The following CMIP variants were observed in gnomAD, a reference collection of about 807,000 sequenced individuals.
The protein encoded by CMIP is C-Maf-inducing protein.
Under a neutral mutation model 97.3 loss-of-function variants are expected in CMIP, and 13 were observed. That is an observed-to-expected ratio of 0.13 (90% CI 0.09 to 0.21). CMIP has a LOEUF of 0.21. Among genes scored for constraint, CMIP ranks in the 10% least tolerant of loss-of-function variants. The pLI is 1.00. For synonymous variants in CMIP, 538 were observed against 436.3 expected (o/e 1.23, Z -2.91); for missense variants, 847 against 1,024.9 (o/e 0.83, Z 2.37).
chr16:81,521,264 G>A (rs941229975), intron 1 of CMIP, among the ~76,000 whole-genome samples: 7 of 152,182 alleles, frequency 4.6e-5, no homozygotes, highest in Non-Finnish European at 7.3e-5. Context: ...CTTGCTGAGC[G>A]GATGGTACTG....
chr16:81,693,631 C>T (rs1906366090), intron 13 of CMIP, 144 bp downstream of exon 13: 1 of 874,682 alleles, frequency 1.1e-6, no homozygotes, highest in Non-Finnish European at 1.7e-6. Flanking sequence ...TAAACACATC[C>T]CCGCCTGGTG....
chr16:81,534,655 CA>C (rs2090307190), intron 1 of CMIP, among the ~76,000 whole-genome samples: 1 of 148,572 alleles, frequency 6.7e-6, no homozygotes, highest in Admixed American at 6.7e-5. Flanking sequence ...AAAAAAAAAA[CA>C]AAACTATAGA....
Position 81,678,429 on chromosome 16 carries a change from G to T in CMIP, c.1189G>T (p.Val397Leu). 3.1e-6 allele frequency: 5 copies of T among 1,590,332 alleles called. No individual in the cohort carries two copies. Among genetic ancestry groups the T allele is most frequent in the South Asian group, 1.1e-5 (1 of 87,674 alleles). Reference sequence around the variant, plus strand: ...TGAGGCCCGGCTCAAGTCGGTGGTCGTGGCCTCCAGTGAGATCCACGTGGA... The same window carrying T: ...TGAGGCCCGGCTCAAGTCGGTGGTCTTGGCCTCCAGTGAGATCCACGTGGA... ...LSEARLKSVV[V>L]ASSEIHVEVE... Residue 397 changes from valine (V) to leucine (L), a missense_variant, in exon 10 of 21, where the codon GTG becomes TTG. Physicochemically the swap from Val to Leu is conservative, Grantham distance 32. This residue lies in a region of CMIP where 202 missense variants were observed against 168.7 expected (regional missense o/e 1.20). Coordinates refer to ENST00000537098, the MANE Select transcript of CMIP (RefSeq NM_198390.3).
At chr16:81,455,471 G>A (rs368210865) in intron 1 of CMIP, among the ~76,000 whole-genome samples, 1 of 152,238 alleles carries the variant, frequency 6.6e-6, no homozygotes, top group Non-Finnish European at 1.5e-5. Context: ...GGAGAGGGAG[G>A]CGCAAGCCCA....
chr16:81,646,824 A>G (rs931854106), intron 3 of CMIP, among the ~76,000 whole-genome samples: 9 of 152,178 alleles, frequency 5.9e-5, no homozygotes, highest in Non-Finnish European at 1.3e-4. Flanking sequence ...TTTTATTGCC[A>G]AATACTGTTT....
intron 1 of CMIP, among the ~76,000 whole-genome samples, chr16:81,488,928 C>A (rs545590126): frequency 1.4e-4 from 22 of 152,252 alleles, no homozygotes; most frequent in African/African-American, 4.8e-4. Context: ...AAGAGATGGC[C>A]TTTCAGACCT....
chr16:81,460,282 G>T (rs1166383689), intron 1 of CMIP, among the ~76,000 whole-genome samples: 4 of 152,114 alleles, frequency 2.6e-5, no homozygotes, highest in African/African-American at 9.7e-5. Context: ...AGGGTGAGTG[G>T]GCTATTTATT....
At chr16:81,458,880 A>G (rs1316302377) in intron 1 of CMIP, among the ~76,000 whole-genome samples, 2 of 152,184 alleles carry the variant, frequency 1.3e-5, no homozygotes, top group African/African-American at 4.8e-5. Flanking sequence ...GAGAGAATAC[A>G]TGGAAAGTAC....
intron 1 of CMIP, chr16:81,476,296 C>G: frequency 6.4e-7 from 1 of 1,553,194 alleles, no homozygotes; most frequent in Non-Finnish European, 8.9e-7. Context: ...GATGGACTTG[C>G]CACCAGTGCC....
chr16:81,479,181 C>G (rs111449004), intron 1 of CMIP, among the ~76,000 whole-genome samples: 2 of 152,154 alleles, frequency 1.3e-5, no homozygotes, highest in Non-Finnish European at 2.9e-5. Context: ...CATGCGTAGC[C>G]TCCATCCTGT....
chr16:81,613,652 TC>T (rs1246557481), intron 2 of CMIP, among the ~76,000 whole-genome samples: 1 of 152,192 alleles, frequency 6.6e-6, no homozygotes, highest in Non-Finnish European at 1.5e-5. Flanking sequence ...ACTGCCATGA[TC>T]ATTTTTAGAG....
intron 1 of CMIP, among the ~76,000 whole-genome samples, chr16:81,528,433 C>T (rs1430097828): frequency 6.6e-6 from 1 of 152,132 alleles, no homozygotes; most frequent in East Asian, 1.9e-4. Context: ...TTGGGAGTAC[C>T]TTGAAGCTGT....
chr16:81,535,729 C>A (rs1381773964), intron 1 of CMIP, among the ~76,000 whole-genome samples: 3 of 152,098 alleles, frequency 2.0e-5, no homozygotes, highest in Non-Finnish European at 4.4e-5. Context: ...TGTTCAGACA[C>A]TCGTTTACAG....
At chr16:81,656,558 C>T (rs945247716) in intron 4 of CMIP, among the ~76,000 whole-genome samples, 1 of 152,138 alleles carries the variant, frequency 6.6e-6, no homozygotes, top group African/African-American at 2.4e-5. Context: ...ATGGCACAGC[C>T]GTCTCTTTCC....
chr16:81,580,672 G>C (rs910189000), intron 1 of CMIP, among the ~76,000 whole-genome samples: 2 of 151,866 alleles, frequency 1.3e-5, no homozygotes, highest in African/African-American at 4.8e-5. Context: ...CTGACCTCAA[G>C]TGATCCACCC....
At chr16:81,581,996 C>T (rs774882899) in intron 1 of CMIP, among the ~76,000 whole-genome samples, 2 of 152,144 alleles carry the variant, frequency 1.3e-5, no homozygotes, top group African/African-American at 2.4e-5. Context: ...GGGGAGGCCT[C>T]AGGTGGAAGG....
At chr16:81,578,496 T>G (rs1244510371) in intron 1 of CMIP, among the ~76,000 whole-genome samples, 2 of 152,184 alleles carry the variant, frequency 1.3e-5, no homozygotes, top group Non-Finnish European at 2.9e-5. Flanking sequence ...TCCAGATGTT[T>G]TGTGTCTCCC....
At chr16:81,520,354 A>G (rs2089996098) in intron 1 of CMIP, 1 of 152,174 alleles carries the variant, frequency 6.6e-6, no homozygotes, top group Non-Finnish European at 1.5e-5. Context: ...CAATGCCTAG[A>G]ACAAATAAGC....
intron 1 of CMIP, among the ~76,000 whole-genome samples, chr16:81,534,994 A>T (rs2090313849): frequency 6.6e-6 from 1 of 152,160 alleles, no homozygotes. Context: ...TCTGTCTCCC[A>T]GGCTGGAGTG....
Sources: allele counts gnomAD v4.1 joint callset (sites outside exome capture counted in the v4.1 genomes callset), GRCh38; gene constraint gnomAD v4.1.1; regional missense constraint gnomAD v4.1.1; transcripts MANE v1.5; gene names NCBI Gene and HGNC (gene_info 2026-07-23, HGNC 2026-07-21).